CHMP7: variants seen among roughly 807,000 people sequenced by gnomAD.
CHMP7 encodes charged multivesicular body protein 7.
CHMP7 carries 15 observed loss-of-function variants against 53.7 expected under a neutral mutation model. The ratio of observed to expected loss-of-function variants is 0.28; its 90% CI spans 0.19 to 0.43. The LOEUF (loss-of-function observed/expected upper bound fraction) is 0.43, where lower values mean the gene tolerates loss of function less well. CHMP7 is among the 20% of genes least tolerant of loss of function. CHMP7 has a pLI of 1.00. For synonymous variants in CHMP7, 261 were observed against 228.0 expected, an observed-to-expected ratio of 1.14 and a Z score of -1.30; for missense variants, 527 against 569.4, an observed-to-expected ratio of 0.93 and a Z score of 0.76.
rs1426344124 is a variant in CHMP7 at position 23,258,432 on chromosome 8, T to C, written c.943T>C (p.Ser315Pro). Residue 315 changes from serine (S) to proline (P), a missense_variant, in exon 7 of 11, where the codon TCC (serine) becomes CCC (proline). Coordinates refer to ENST00000397677, the MANE Select transcript of CHMP7 (RefSeq NM_152272.5). ...AGGCATCCTGGACCGGATCTATGCC[T>C]CCCAGACAGATCAGATGGTAGTCAC... Reference protein sequence around the residue: ...VQGILDRIYASQTDQMVFNAY... With the variant: ...VQGILDRIYAPQTDQMVFNAY... 6.2e-7 allele frequency: 1 copy of C among 1,613,918 alleles called. No individual in the cohort carries two copies. The highest frequency in any genetic ancestry group is 2.2e-5 in the East Asian group (1 of 44,838).
rs958193807 is a variant in CHMP7 at position 23,258,996 on chromosome 8, T to C, written c.1060-70T>C. ...CAGGATTGCTTTGTAACCCTAGATATTTTCCACCAAAGACTGAGATGCTCA... is the reference window on the plus strand; with the variant it reads ...CAGGATTGCTTTGTAACCCTAGATACTTTCCACCAAAGACTGAGATGCTCA... On this transcript the variant is annotated intron_variant, in intron 8 of 10. Transcript: ENST00000397677. 3.5e-6 allele frequency: 4 copies of C among 1,152,596 alleles called. No individual in the cohort carries two copies. In the Admixed American group the frequency reaches 5.0e-5, roughly 15 times the overall value. 71.4% of individuals were successfully genotyped at this position (1,152,596 alleles called of 1,614,324 possible).
In CHMP7 at chr8:23,246,664, G is replaced by C; in HGVS notation, c.-32G>C. ...GCGGAAGCGGACCAGGGCCAGGCTTGTGTTCGCAGCCTTGCCGGGGCTGGG... is the reference window on the plus strand; with the variant it reads ...GCGGAAGCGGACCAGGGCCAGGCTTCTGTTCGCAGCCTTGCCGGGGCTGGG... On this transcript the variant is annotated 5_prime_UTR_variant, in exon 2 of 11. Transcript: ENST00000397677. 6.5e-7 allele frequency: 1 copy of C among 1,535,566 alleles called. No individual in the cohort carries two copies. The highest frequency in any genetic ancestry group is 8.8e-7 in the Non-Finnish European group (1 of 1,138,188).
chr8:23,258,126 G>C, intron 6 of CHMP7, 45 bp downstream of exon 6: 1 of 1,560,136 alleles, frequency 6.4e-7, no homozygotes, highest in Non-Finnish European at 8.8e-7. Context: ...CCCCAGGCAG[G>C]CCTGGAGCAA....
chr8:23,257,958 G>A, intron 5 of CHMP7, 75 bp from the exon 6 acceptor site: 1 of 971,448 alleles, frequency 1.0e-6, no homozygotes, highest in Non-Finnish European at 1.6e-6. Context: ...ACTGAGTGCT[G>A]CTCTCAGGGA....
Position 23,255,362 on chromosome 8 carries a change from C to A in CHMP7, c.587C>A (p.Thr196Asn). The change falls in exon 4 of 11, where the codon ACC becomes AAC. Residue 196 changes from threonine (T) to asparagine (N), a missense_variant. By Grantham distance (65) the Thr-to-Asn change is moderately conservative (BLOSUM62 0). Coordinates refer to ENST00000397677, the MANE Select transcript of CHMP7 (RefSeq NM_152272.5). ...LCANSCPDER[T>N]FYLVLLQLQK... ...GCTAACTCCTGCCCAGATGAGAGGA[C>A]CTTCTACTTGGTGTTGCTGCAGCTG... 6.2e-7 allele frequency: 1 copy of A among 1,614,144 alleles called. No individual in the cohort carries two copies. Among genetic ancestry groups the A allele is most frequent in the Non-Finnish European group, 8.5e-7 (1 of 1,180,020 alleles).
Position 23,260,333 on chromosome 8 carries a change from T to C in CHMP7, c.1300+10T>C, listed in dbSNP as rs1242525900. 3.1e-6 allele frequency: 5 copies of C among 1,613,948 alleles called. No individual in the cohort carries two copies. Among genetic ancestry groups the C allele is most frequent in the Admixed American group, 3.3e-5 (2 of 59,998 alleles). On this transcript the variant is annotated intron_variant, in intron 10 of 10. Transcript: ENST00000397677. ...TCCTTATCAGAGGGAGGTATGGAGC[T>C]GTTTTCCAAGGCCTTTGGAGGGCAT...
Position 23,256,069 on chromosome 8 carries a change from T to C in CHMP7, c.658-391T>C, listed in dbSNP as rs187129662. 4.7e-4 allele frequency among the ~76,000 whole-genome samples: 71 copies of C among 152,224 alleles called. 1 individual carries two copies. Among genetic ancestry groups the C allele is most frequent in the African/African-American group, 1.7e-3 (69 of 41,500 alleles). ...ACCACCGTGCCTGGCCTATTATACTTAATAATGGCCCCAAAGCACAAGAGC... is the reference window on the plus strand; with the variant it reads ...ACCACCGTGCCTGGCCTATTATACTCAATAATGGCCCCAAAGCACAAGAGC... On this transcript the variant is annotated intron_variant, in intron 4 of 10. Coordinates refer to ENST00000397677, the MANE Select transcript of CHMP7 (RefSeq NM_152272.5).
chr8:23,259,161 C>CTTTT lies in CHMP7; in HGVS notation c.1120+35_1120+36insTTTT, dbSNP rs1491187498. On this transcript the variant is annotated intron_variant, in intron 9 of 10. Transcript: ENST00000397677. The stretch of plus-strand genomic sequence containing the variant: ...CAAGGTGGTTATTTTTATTTTTATT[C>CTTTT]ATTTTTTTTTTTTTTTTTTTTTTTT... 177 of 520,126 alleles carry CTTTT rather than the reference C, an allele frequency of 3.4e-4. 10 individuals are homozygous for CTTTT. The highest frequency in any genetic ancestry group is 3.6e-4 in the Non-Finnish European group (113 of 311,678). 32.2% of individuals were successfully genotyped at this position (520,126 alleles called of 1,614,324 possible).
intron 3 of CHMP7, among the ~76,000 whole-genome samples, chr8:23,250,909 C>A (rs1164438694): frequency 2.6e-5 from 4 of 152,122 alleles, no homozygotes; most frequent in South Asian, 4.1e-4. Context: ...CCCTGTCTCC[C>A]AGGATTGTTG....
intron 2 of CHMP7, among the ~76,000 whole-genome samples, chr8:23,248,730 T>C (rs1237786650): frequency 6.6e-6 from 1 of 152,218 alleles, no homozygotes; most frequent in Non-Finnish European, 1.5e-5. Flanking sequence ...AATAGTTACA[T>C]CGTATCCTCA....
intron 8 of CHMP7, 57 bp downstream of exon 8, chr8:23,258,887 TG>T (rs765475464): frequency 2.1e-5 from 27 of 1,258,758 alleles, no homozygotes; most frequent in Non-Finnish European, 3.1e-5. Context: ...AGGACAGATT[TG>T]ACTTCATTGC....
In CHMP7 at chr8:23,260,252, G is replaced by A. The variant is rs765244614; in HGVS notation, c.1229G>A (p.Ser410Asn). ...DNPRNRHFTNSVPNPRISDAE... is the reference protein window; with the variant it reads ...DNPRNRHFTNNVPNPRISDAE... The stretch of plus-strand genomic sequence containing the variant: ...CCCCGCAATAGGCATTTTACCAACA[G>A]CGTGCCTAACCCTAGGATCTCAGAT... Residue 410 changes from serine to asparagine, a missense_variant, in exon 10 of 11, where the codon AGC becomes AAC. Physicochemically the swap from Ser to Asn is conservative, Grantham distance 46 (BLOSUM62 1). Transcript: ENST00000397677. The A allele has an allele frequency of 1.1e-5, 18 of 1,614,096 alleles. No homozygotes were observed. Among genetic ancestry groups the A allele is most frequent in the Non-Finnish European group, 1.5e-5 (18 of 1,180,050 alleles).
chr8:23,255,467 C>T, intron 4 of CHMP7, 35 bp downstream of exon 4: 1 of 1,599,144 alleles, frequency 6.3e-7, no homozygotes, highest in Non-Finnish European at 8.6e-7. Flanking sequence ...ACTGACTCAG[C>T]AGTGATTGAT....
intron 3 of CHMP7, chr8:23,254,923 T>C (rs1243901241): frequency 7.4e-6 from 3 of 407,816 alleles, no homozygotes; most frequent in Non-Finnish European, 1.4e-5. Flanking sequence ...ACAGCTGTTC[T>C]ACCTCACCTC....
intron 1 of CHMP7, 119 bp downstream of exon 1, chr8:23,243,963 A>G (rs1288739853): frequency 6.6e-6 from 1 of 151,458 alleles, no homozygotes; most frequent in Non-Finnish European, 1.5e-5. Context: ...AGGTCTGCTC[A>G]GATCTTTTAT....
intron 2 of CHMP7, chr8:23,248,002 C>T (rs1200794452): frequency 2.2e-6 from 1 of 450,732 alleles, no homozygotes; most frequent in Admixed American, 2.4e-5. Context: ...TCCCATTGGA[C>T]TGGACATTGA....
chr8:23,260,691 T>C lies in CHMP7; in HGVS notation c.*92T>C. The stretch of plus-strand genomic sequence containing the variant: ...TAAACAAGAAACTCTCAGAATGTGT[T>C]TGGAAGAGGAGAAAGGAGAACCACT... On this transcript the variant is annotated 3_prime_UTR_variant, in exon 11 of 11. Transcript: ENST00000397677. The C allele has an allele frequency of 9.9e-7, 1 of 1,013,844 alleles. No homozygotes were observed. Among genetic ancestry groups the C allele is most frequent in the Non-Finnish European group, 1.6e-6 (1 of 638,692 alleles). 62.8% of individuals were successfully genotyped at this position (1,013,844 alleles called of 1,614,324 possible).
chr8:23,255,077 TA>T, intron 3 of CHMP7, 169 bp from the exon 4 acceptor site: 1 of 671,778 alleles, frequency 1.5e-6, no homozygotes, highest in Non-Finnish European at 2.6e-6. Context: ...CTCCAAGGCT[TA>T]AAAACACAGA....
intron 7 of CHMP7, 102 bp from the exon 8 acceptor site, chr8:23,258,630 C>A: frequency 8.3e-7 from 1 of 1,201,358 alleles, no homozygotes; most frequent in Non-Finnish European, 1.2e-6. Context: ...AGCTTGGGTG[C>A]CAAAAAAAAC....
Sources: allele counts gnomAD v4.1 joint callset (sites outside exome capture counted in the v4.1 genomes callset), GRCh38; gene constraint gnomAD v4.1.1; transcripts MANE v1.5; gene names NCBI Gene and HGNC (gene_info 2026-07-23, HGNC 2026-07-21).